Variants in ZNF606 observed in about 807,000 individuals in gnomAD.
ZNF606 encodes the protein zinc finger protein 606.
ZNF606 carries 37 observed loss-of-function variants against 74.9 expected under a neutral mutation model. The observed-to-expected ratio is 0.49, with a 90% CI of 0.38 to 0.65. The LOEUF is 0.65. ZNF606 is among the 30% of genes least tolerant of loss of function. The probability of loss-of-function intolerance (pLI) is 0.00; values close to 1 mark genes in which losing one functional copy is unlikely to be tolerated. For synonymous variants in ZNF606, 328 were observed against 312.4 expected, an observed-to-expected ratio of 1.05 and a Z score of -0.53; for missense variants, 852 against 952.9, an observed-to-expected ratio of 0.89 and a Z score of 1.39.
Position 57,979,409 on chromosome 19 carries a change from C to G in ZNF606, c.1271G>C (p.Gly424Ala), listed in dbSNP as rs1406162474. ...YLIQHKKTHTGEKPYECDKCG... is the reference protein window; with the variant it reads ...YLIQHKKTHTAEKPYECDKCG... ...TTTATCACATTCATAGGGTTTTTCT[C>G]CAGTATGAGTTTTCTTATGTTGAAT... Residue 424 changes from glycine to alanine, a missense_variant, in exon 7 of 7, where the codon GGA becomes GCA. This residue lies in a region of ZNF606 where 545 missense variants were observed against 542.5 expected (regional missense o/e 1.00). Coordinates refer to ENST00000551380, the MANE Select transcript of ZNF606 (RefSeq NM_001348022.3). The G allele has an allele frequency of 6.2e-7, 1 of 1,613,654 alleles. No homozygotes were observed. The highest frequency in any genetic ancestry group is 1.7e-5 in the Admixed American group (1 of 59,924).
Position 57,978,895 on chromosome 19 carries a change from T to C in ZNF606, c.1785A>G (p.Pro595=), listed in dbSNP as rs2123256901. ...AHQRTHTGEK[P]YNCQECGKAF... is the part of the protein sequence containing the mutation. ...CTTTGCCACATTCCTGACAGTTATA[T>C]GGTTTCTCTCCCGTGTGAGTTCTCT... Residue 595 remains proline (P), a synonymous_variant, in exon 7 of 7, where the codon CCA becomes CCG. Coordinates refer to ENST00000551380, the MANE Select transcript of ZNF606 (RefSeq NM_001348022.3). The surrounding 1 kb of genome is among the most constrained non-coding windows in gnomAD (Gnocchi z 4.4). The C allele has an allele frequency of 2.5e-6, 4 of 1,614,076 alleles. No individual in the cohort carries two copies. The highest frequency in any genetic ancestry group is 3.4e-6 in the Non-Finnish European group (4 of 1,180,006).
chr19:57,991,288 A>C (rs2073255338), intron 4 of ZNF606, among the ~76,000 whole-genome samples: 1 of 152,062 alleles, frequency 6.6e-6, no homozygotes, highest in African/African-American at 2.4e-5. Flanking sequence ...AGATCTCCCC[A>C]ATGTCTTGTG....
At position 58,000,725 on chromosome 19, in the gene ZNF606, G is replaced by A; in HGVS notation, c.46C>T (p.Gln16Ter). 1 of 1,593,130 alleles carries A rather than the reference G, an allele frequency of 6.3e-7. No individual in the cohort carries two copies. Among genetic ancestry groups the A allele is most frequent in the Non-Finnish European group, 8.6e-7 (1 of 1,168,500 alleles). ...TCAACAGCTGTCATCCCCCAAGATT[G>A]GTCCGTAAGGGCACCTGCACAGAAG... ...PWASWGALTD[Q>*]SWGMTAVDPW... The change falls in exon 3 of 7, where the codon CAA becomes TAA. Residue 16 changes from glutamine to a stop codon, truncating the protein, a stop_gained. Transcript: ENST00000551380. LOFTEE classifies it high-confidence loss of function.
At chr19:57,988,543 G>A in intron 5 of ZNF606, 52 bp downstream of exon 5, 1 of 1,582,332 alleles carries the variant, frequency 6.3e-7, no homozygotes, top group Non-Finnish European at 8.6e-7. Context: ...TGGAGCAGCT[G>A]AAGGCATTAC....
upstream of ZNF606, chr19:58,003,074 T>G (rs751953608): frequency 4.4e-5 from 18 of 408,840 alleles, no homozygotes; most frequent in Middle Eastern, 3.5e-4. Context: ...GGGCCTCGGT[T>G]TGCCCATCCG....
At chr19:58,002,030 A>T in intron 1 of ZNF606, 1 of 377,212 alleles carries the variant, frequency 2.7e-6, no homozygotes, top group Non-Finnish European at 5.3e-6. Context: ...CAACCTCTCG[A>T]ATGGATTCCT....
rs2073198361 is a variant in ZNF606 at position 57,988,441 on chromosome 19, G to A, written c.305-139C>T. The A allele has an allele frequency of 2.9e-6, 4 of 1,379,204 alleles. No individual in the cohort carries two copies. The African/African-American group carries it at 4.3e-5, about 15-fold the overall frequency. 85.4% of individuals were successfully genotyped at this position (1,379,204 alleles called of 1,614,324 possible). On this transcript the variant is annotated intron_variant, in intron 5 of 6. Coordinates refer to ENST00000551380, the MANE Select transcript of ZNF606 (RefSeq NM_001348022.3). ...GTCCTTCCCACTCCATGCTCTTTAA[G>A]CATTAGGAGTTTCATCCCTGAACCT...
chr19:57,990,209 A>G (rs1470487317), intron 4 of ZNF606, among the ~76,000 whole-genome samples: 2 of 150,508 alleles, frequency 1.3e-5, no homozygotes, highest in Non-Finnish European at 1.5e-5. Flanking sequence ...CTAAAAATAC[A>G]AAAAAATTAG....
chr19:58,001,551 A>C (rs543823725), intron 1 of ZNF606, among the ~76,000 whole-genome samples, 181 bp from the exon 2 acceptor site: 3 of 152,252 alleles, frequency 2.0e-5, no homozygotes, highest in Non-Finnish European at 2.9e-5. Flanking sequence ...GGTAATTTGC[A>C]TAAGCTGGAA....
At position 57,987,412 on chromosome 19, in the gene ZNF606, T is replaced by A. The variant is rs10409661; in HGVS notation, c.400+795A>T. Among the ~76,000 whole-genome samples the A allele has an allele frequency of 9.7e-3, 1,475 of 152,038 alleles. 29 individuals are homozygous for A. Among genetic ancestry groups the A allele is most frequent in the African/African-American group, 0.033 (1,385 of 41,510 alleles). ...ACATGCACCATAAAGCCCAGCTAAG[T>A]TTTTTAATAAAGGAGATTTTTTTTT... On this transcript the variant is annotated intron_variant, in intron 6 of 6. Coordinates refer to ENST00000551380, the MANE Select transcript of ZNF606 (RefSeq NM_001348022.3).
chr19:57,997,983 T>C (rs139971379), intron 4 of ZNF606: 10 of 152,324 alleles, frequency 6.6e-5, no homozygotes, highest in South Asian at 2.1e-4. Context: ...AGCATACTTA[T>C]GATGGACTTC....
intron 6 of ZNF606, among the ~76,000 whole-genome samples, chr19:57,985,131 CA>C (rs944144442): frequency 6.6e-6 from 1 of 151,870 alleles, no homozygotes; most frequent in Non-Finnish European, 1.5e-5. Context: ...AACAAAAACA[CA>C]AAAAAACAAA....
At chr19:57,997,983 T>A (rs139971379) in intron 4 of ZNF606, 1 of 152,206 alleles carries the variant, frequency 6.6e-6, no homozygotes, top group Non-Finnish European at 1.5e-5. Context: ...AGCATACTTA[T>A]GATGGACTTC....
intron 3 of ZNF606, 66 bp downstream of exon 3, chr19:58,000,617 G>A (rs768114916): frequency 3.2e-6 from 5 of 1,546,012 alleles, no homozygotes; most frequent in Non-Finnish European, 4.5e-6. Context: ...TTCCCCAGCT[G>A]TGGCAGAGCA....
rs1369577224 is a variant in ZNF606, at chr19:58,002,683, C to G, written c.-339G>C. On this transcript the variant is annotated 5_prime_UTR_variant, in exon 1 of 7. Coordinates refer to ENST00000551380, the MANE Select transcript of ZNF606 (RefSeq NM_001348022.3). ...GCAAAGCCGGCGCGGAAAGGGCAGGCGCAGGACCCACCCTGACGCCGCCTC... is the reference window on the plus strand; with the variant it reads ...GCAAAGCCGGCGCGGAAAGGGCAGGGGCAGGACCCACCCTGACGCCGCCTC... 8.8e-6 allele frequency: 4 copies of G among 454,614 alleles called. No individual in the cohort carries two copies. The East Asian group carries it at 2.1e-4, about 24-fold the overall frequency. 28.2% of individuals were successfully genotyped at this position (454,614 alleles called of 1,614,324 possible). A position where few individuals can be genotyped will look rare whatever the true frequency, so the allele number is the denominator to read the frequency against.
rs908539224 is a variant in ZNF606 at position 57,977,244 on chromosome 19, G to C, written c.*1057C>G. On this transcript the variant is annotated 3_prime_UTR_variant, in exon 7 of 7. Transcript: ENST00000551380. ...CTTACTAGTTGTGCCCCTTAGGTAG[G>C]ATCCTTCAACATCTCTGCTTCAGCT... 6.6e-6 allele frequency: 1 copy of C among 152,170 alleles called. No individual in the cohort carries two copies. Among genetic ancestry groups the C allele is most frequent in the Non-Finnish European group, 1.5e-5 (1 of 68,050 alleles). 9.4% of individuals were successfully genotyped at this position (152,170 alleles called of 1,614,324 possible).
Position 57,979,370 on chromosome 19 carries a change from A to G in ZNF606, c.1310T>C (p.Phe437Ser), listed in dbSNP as rs1232076851. ...PYECDKCGKV[F>S]RNRSALTKHE... ...TTTCGTAAGGGCTGAGCGATTCCTA[A>G]AAACTTTTCCACATTTATCACATTC... Residue 437 changes from phenylalanine (F) to serine (S), a missense_variant, in exon 7 of 7, where the codon TTT becomes TCT. Physicochemically the swap from Phe to Ser is radical, Grantham distance 155. Transcript: ENST00000551380. 1 of 1,613,004 alleles carries G rather than the reference A, an allele frequency of 6.2e-7. No homozygotes were observed. Among genetic ancestry groups the G allele is most frequent in the African/African-American group, 1.3e-5 (1 of 74,820 alleles).
chr19:58,000,500 T>C, intron 3 of ZNF606, 183 bp downstream of exon 3: 1 of 704,726 alleles, frequency 1.4e-6, no homozygotes, highest in East Asian at 2.7e-5. Flanking sequence ...GCTGTAGGCG[T>C]GAGTCACCAC....
At chr19:58,001,716 G>C (rs534801352) in intron 1 of ZNF606, among the ~76,000 whole-genome samples, 26 of 152,274 alleles carry the variant, frequency 1.7e-4, no homozygotes, top group African/African-American at 6.3e-4. Flanking sequence ...AGAGCTGGGG[G>C]AAAAATGAAA....
Sources: gnomAD v4.1 joint callset for allele counts (sites outside exome capture counted in the v4.1 genomes callset) on GRCh38, gnomAD v4.1.1 for gene constraint, gnomAD v4.1.1 regional missense constraint, Gnocchi (gnomAD v3.1) non-coding constraint, MANE v1.5 for transcripts, NCBI Gene and HGNC (gene_info 2026-07-23, HGNC 2026-07-21) for gene names.